Variants in GFRA2 observed in about 807,000 individuals in gnomAD.
GFRA2 encodes GDNF family receptor alpha 2, also known as GDNF family receptor alpha-2.
In GFRA2, 17 loss-of-function variants were observed where a neutral mutation model predicts 48.3. The observed-to-expected ratio is 0.35, with a 90% CI of 0.24 to 0.53. The LOEUF (loss-of-function observed/expected upper bound fraction) is 0.53. Ranked by LOEUF, GFRA2 falls within the 20% of genes least tolerant of loss-of-function variation. GFRA2 has a pLI of 0.93. For missense variants in GFRA2, 660 were observed against 637.3 expected, an observed-to-expected ratio of 1.04 and a Z score of -0.38; for synonymous variants, 305 against 257.2, an observed-to-expected ratio of 1.19 and a Z score of -1.78.
intron 2 of GFRA2, among the ~76,000 whole-genome samples, chr8:21,803,848 G>C (rs1308373923): frequency 2.0e-5 from 3 of 152,120 alleles, no homozygotes; most frequent in African/African-American, 7.2e-5. Flanking sequence ...GCCCTGGCTA[G>C]TCTGAAACTC....
chr8:21,778,215 A>G (rs1234094352), intron 2 of GFRA2, among the ~76,000 whole-genome samples: 1 of 144,884 alleles, frequency 6.9e-6, no homozygotes, highest in East Asian at 2.1e-4. Flanking sequence ...ATCAAGGAAC[A>G]GGGAGGAAGG....
chr8:21,691,058 G>A lies in GFRA2; in HGVS notation c.*2220C>T, dbSNP rs1801866488. On this transcript the variant is annotated 3_prime_UTR_variant, in exon 9 of 9. Coordinates refer to ENST00000524240, the MANE Select transcript of GFRA2 (RefSeq NM_001495.5). ...GTGATAAACGCTGTGAACGGATGCT[G>A]CTCACACATATACAACCAGAAGCAA... 1 of 152,200 alleles carries A rather than the reference G, an allele frequency of 6.6e-6. No individual in the cohort carries two copies. The highest frequency in any genetic ancestry group is 1.5e-5 in the Non-Finnish European group (1 of 68,046). The allele number at this position is 152,200 out of a possible 1,614,324, so 9.4% of individuals were successfully genotyped here. A position where few individuals can be genotyped will look rare whatever the true frequency, so the allele number is the denominator to read the frequency against.
At chr8:21,770,684 A>C (rs1260420866) in intron 3 of GFRA2, among the ~76,000 whole-genome samples, 1 of 152,138 alleles carries the variant, frequency 6.6e-6, no homozygotes, top group Non-Finnish European at 1.5e-5. Flanking sequence ...GCCTGATGAC[A>C]GCCAAGGCCA....
chr8:21,811,341 G>A (rs915673416), intron 1 of GFRA2, among the ~76,000 whole-genome samples: 1 of 152,174 alleles, frequency 6.6e-6, no homozygotes, highest in Non-Finnish European at 1.5e-5. Context: ...TCTAACCCCT[G>A]CTAAGTTCCC....
At chr8:21,810,072 C>T (rs1807949488) in intron 1 of GFRA2, among the ~76,000 whole-genome samples, 1 of 152,210 alleles carries the variant, frequency 6.6e-6, no homozygotes, top group South Asian at 2.1e-4. Context: ...CTTGGTCTCT[C>T]ACCAGCTCAG....
intron 4 of GFRA2, among the ~76,000 whole-genome samples, chr8:21,746,456 C>T (rs956711094): frequency 6.6e-6 from 1 of 152,180 alleles, no homozygotes; most frequent in Non-Finnish European, 1.5e-5. Context: ...GAATGCCCTG[C>T]TTCAAGATCA....
chr8:21,792,859 G>A (rs1807599996), upstream of GFRA2, among the ~76,000 whole-genome samples: 1 of 152,202 alleles, frequency 6.6e-6, no homozygotes, highest in African/African-American at 2.4e-5. Flanking sequence ...GAGGTCGGGA[G>A]TTCCAGACCA....
chr8:21,725,415 G>T (rs2117465117), intron 4 of GFRA2, among the ~76,000 whole-genome samples: 1 of 152,358 alleles, frequency 6.6e-6, no homozygotes, highest in Middle Eastern at 3.4e-3. Flanking sequence ...GCCTGGGGCG[G>T]GGGGACAGAC....
At chr8:21,712,386 C>T (rs1019710170) in intron 4 of GFRA2, among the ~76,000 whole-genome samples, 4 of 149,160 alleles carry the variant, frequency 2.7e-5, no homozygotes, top group African/African-American at 1.0e-4. Context: ...GGGGCAGAGG[C>T]GCTCCCCACA....
chr8:21,762,594 T>G (rs553141499), intron 3 of GFRA2, among the ~76,000 whole-genome samples: 1 of 152,368 alleles, frequency 6.6e-6, no homozygotes, highest in African/African-American at 2.4e-5. Context: ...ACACTGAACA[T>G]CAATTTGAAA....
chr8:21,696,892 G>A (rs1323058619), intron 7 of GFRA2, among the ~76,000 whole-genome samples: 1 of 146,106 alleles, frequency 6.8e-6, no homozygotes, highest in Non-Finnish European at 1.5e-5. Context: ...AGAGGGGGAG[G>A]GGACAGAGTG....
intron 3 of GFRA2, among the ~76,000 whole-genome samples, chr8:21,756,977 G>T (rs1268860041): frequency 6.6e-6 from 1 of 152,200 alleles, no homozygotes; most frequent in African/African-American, 2.4e-5. Flanking sequence ...GTAAACAGCT[G>T]CCCAAGGGAG....
chr8:21,772,343 G>A (rs1732441168), intron 3 of GFRA2, among the ~76,000 whole-genome samples: 2 of 151,914 alleles, frequency 1.3e-5, no homozygotes, highest in South Asian at 2.1e-4. Context: ...CACTCTTATC[G>A]ACCAGGCTGG....
At chr8:21,725,827 G>A (rs888954245) in intron 4 of GFRA2, among the ~76,000 whole-genome samples, 5 of 152,194 alleles carry the variant, frequency 3.3e-5, no homozygotes, top group African/African-American at 9.7e-5. Context: ...TGCACATGTT[G>A]GGGCTGCTGT....
At chr8:21,794,031 C>T (rs1215506823) in intron 2 of GFRA2, among the ~76,000 whole-genome samples, 2 of 151,738 alleles carry the variant, frequency 1.3e-5, no homozygotes, top group East Asian at 3.9e-4. Flanking sequence ...TATTTATTTA[C>T]TTAGCAGAGA....
chr8:21,701,449 T>C (rs1488120249), intron 7 of GFRA2, among the ~76,000 whole-genome samples: 1 of 152,196 alleles, frequency 6.6e-6, no homozygotes, highest in Non-Finnish European at 1.5e-5. Context: ...TCAGAGGCCC[T>C]TCCTCTTCCA....
At chr8:21,775,989 CTG>C (rs200687629) in intron 2 of GFRA2, among the ~76,000 whole-genome samples, 23,048 of 125,968 alleles carry the variant, frequency 0.18, 2,173 homozygotes, top group Admixed American at 0.23. Context: ...CACTCATCCT[CTG>C]TGTGTGTGTG....
At chr8:21,761,821 G>T (rs142084514) in intron 3 of GFRA2, among the ~76,000 whole-genome samples, 3,889 of 152,040 alleles carry the variant, frequency 0.026, 139 homozygotes, top group African/African-American at 0.088. Flanking sequence ...GTGATGGTGC[G>T]CACCTGTAAT....
Position 21,788,855 on chromosome 8 carries a change from C to G in GFRA2, c.-696G>C. ...TCTCCTCTCCCTCGCTCGCTCTTTG[C>G]TCTCGCTCTCTCCAGCTCTCCCTCG... On this transcript the variant is annotated 5_prime_UTR_variant, in exon 1 of 9. Transcript: ENST00000524240. The G allele has an allele frequency of 1.1e-6, 1 of 936,232 alleles. No individual in the cohort carries two copies. The highest frequency in any genetic ancestry group is 1.3e-6 in the Non-Finnish European group (1 of 785,096). 58.0% of individuals were successfully genotyped at this position (936,232 alleles called of 1,614,324 possible). A position where few individuals can be genotyped will look rare whatever the true frequency, so the allele number is the denominator to read the frequency against.
Sources: gnomAD v4.1 joint callset for allele counts (sites outside exome capture counted in the v4.1 genomes callset) on GRCh38, gnomAD v4.1.1 for gene constraint, MANE v1.5 for transcripts, NCBI Gene and HGNC (gene_info 2026-07-23, HGNC 2026-07-21) for gene names.